The following SLX4IP variants were observed in gnomAD, a reference collection of about 807,000 sequenced individuals.
SLX4IP encodes protein SLX4IP.
In SLX4IP, 34 loss-of-function variants were observed where a neutral mutation model predicts 32.9. The observed-to-expected ratio is 1.03, with a 90% confidence interval of 0.79 to 1.38. The LOEUF is 1.38. Ranked by LOEUF, SLX4IP falls within the 40% of genes most tolerant of loss-of-function variation. SLX4IP has a pLI of 0.00. For synonymous variants in SLX4IP, 172 were observed against 171.7 expected (o/e 1.00, Z -0.01); for missense variants, 444 against 479.0 (o/e 0.93, Z 0.68).
intron 7 of SLX4IP, among the ~76,000 whole-genome samples, chr20:10,621,827 C>T (rs1410659455): frequency 6.6e-6 from 1 of 152,322 alleles, no homozygotes; most frequent in South Asian, 2.1e-4. Flanking sequence ...CACACTGAAG[C>T]TAGCCGAAAT....
At chr20:10,565,487 G>A (rs1410881734) in intron 4 of SLX4IP, among the ~76,000 whole-genome samples, 1 of 152,090 alleles carries the variant, frequency 6.6e-6, no homozygotes, top group Admixed American at 6.5e-5. Flanking sequence ...GAGACTGACT[G>A]CCCGGCCTGT....
At chr20:10,521,108 A>G (rs1388685917) in intron 2 of SLX4IP, among the ~76,000 whole-genome samples, 2 of 152,148 alleles carry the variant, frequency 1.3e-5, no homozygotes, top group East Asian at 3.8e-4. Context: ...TACTCTGATT[A>G]CCTTTCGTTT....
intron 4 of SLX4IP, among the ~76,000 whole-genome samples, chr20:10,592,650 T>TC (rs1209328569): frequency 7.1e-5 from 9 of 126,290 alleles, no homozygotes; most frequent in African/African-American, 2.6e-4. Context: ...TTTTTTTTTT[T>TC]TTGAGATGGA....
intron 4 of SLX4IP, among the ~76,000 whole-genome samples, chr20:10,580,711 G>T (rs2066574983): frequency 6.6e-6 from 1 of 151,804 alleles, no homozygotes; most frequent in Non-Finnish European, 1.5e-5. Context: ...GATGGTTCCG[G>T]TTCGATTATT....
chr20:10,485,798 C>CT (rs1417253345), intron 2 of SLX4IP, among the ~76,000 whole-genome samples: 4 of 151,954 alleles, frequency 2.6e-5, no homozygotes, highest in Admixed American at 6.6e-5. Flanking sequence ...ATACTGTATG[C>CT]TTATTATTTA....
chr20:10,540,356 C>T (rs548913257), intron 2 of SLX4IP, among the ~76,000 whole-genome samples: 35 of 152,126 alleles, frequency 2.3e-4, no homozygotes, highest in African/African-American at 7.5e-4. Flanking sequence ...TTGAAGACAT[C>T]GAATCCTGAG....
chr20:10,618,940 T>TGGGGGGGGGGGGGGGGGG (rs59862780), intron 6 of SLX4IP, among the ~76,000 whole-genome samples: 6 of 41,712 alleles, frequency 1.4e-4, no homozygotes, highest in Admixed American at 3.2e-4. Flanking sequence ...GCTTGGGGGT[T>TGGGGGGGGGGGGGGGGGG]GGGGGGGCGG....
At chr20:10,550,284 C>T (rs192295400) in intron 2 of SLX4IP, among the ~76,000 whole-genome samples, 284 of 152,212 alleles carry the variant, frequency 1.9e-3, no homozygotes, top group Non-Finnish European at 1.9e-3. Flanking sequence ...TGCCTTATAC[C>T]CTCAATGCCA....
intron 1 of SLX4IP, among the ~76,000 whole-genome samples, chr20:10,437,467 G>C (rs2065124836): frequency 1.3e-5 from 2 of 152,154 alleles, no homozygotes; most frequent in African/African-American, 4.8e-5. Flanking sequence ...CAACTTTTAC[G>C]TTTTATGTTG....
At chr20:10,481,960 A>G (rs2065526136) in intron 2 of SLX4IP, among the ~76,000 whole-genome samples, 1 of 152,222 alleles carries the variant, frequency 6.6e-6, no homozygotes, top group South Asian at 2.1e-4. Flanking sequence ...CTTTCCTCAG[A>G]GCAAGCAAGA....
chr20:10,551,934 C>T (rs2066222187), intron 2 of SLX4IP, among the ~76,000 whole-genome samples: 1 of 152,164 alleles, frequency 6.6e-6, no homozygotes, highest in African/African-American at 2.4e-5. Flanking sequence ...AGGGTTCATC[C>T]AGGACACCAA....
At chr20:10,577,961 C>T (rs1160104101) in intron 4 of SLX4IP, among the ~76,000 whole-genome samples, 1 of 152,154 alleles carries the variant, frequency 6.6e-6, no homozygotes, top group Non-Finnish European at 1.5e-5. Flanking sequence ...GACATTTTCA[C>T]TTACAGGAAA....
At chr20:10,573,575 T>G (rs2066490481) in intron 4 of SLX4IP, among the ~76,000 whole-genome samples, 2 of 152,206 alleles carry the variant, frequency 1.3e-5, no homozygotes, top group African/African-American at 2.4e-5. Flanking sequence ...TTCTCTGACT[T>G]CCACAGCAGA....
At chr20:10,498,313 A>G (rs550382662) in intron 2 of SLX4IP, among the ~76,000 whole-genome samples, 4 of 151,948 alleles carry the variant, frequency 2.6e-5, no homozygotes, top group South Asian at 2.1e-4. Context: ...CCCTAGGTCA[A>G]TCTGTTAGCA....
At chr20:10,538,682 T>C (rs2066071873) in intron 2 of SLX4IP, among the ~76,000 whole-genome samples, 1 of 152,112 alleles carries the variant, frequency 6.6e-6, no homozygotes, top group South Asian at 2.1e-4. Context: ...CATGTCACCA[T>C]GCCCTGCTAA....
At chr20:10,440,341 G>A (rs2065151201) in intron 1 of SLX4IP, among the ~76,000 whole-genome samples, 1 of 151,890 alleles carries the variant, frequency 6.6e-6, no homozygotes, top group African/African-American at 2.4e-5. Context: ...TGTAATCCTA[G>A]CTACTTGGGA....
At chr20:10,600,388 A>G (rs908575894) in intron 5 of SLX4IP, among the ~76,000 whole-genome samples, 75 of 152,256 alleles carry the variant, frequency 4.9e-4, no homozygotes, top group African/African-American at 1.7e-3. Flanking sequence ...CTGGGGAGCC[A>G]TGGTAGGTTT....
chr20:10,572,417 G>C (rs193063448), intron 4 of SLX4IP, among the ~76,000 whole-genome samples: 1 of 152,032 alleles, frequency 6.6e-6, no homozygotes, highest in African/African-American at 2.4e-5. Context: ...TACCATGTGG[G>C]TATCTTGGTT....
intron 2 of SLX4IP, among the ~76,000 whole-genome samples, chr20:10,500,130 C>CTTTTTTT (rs34751503): frequency 2.7e-4 from 24 of 90,058 alleles, no homozygotes; most frequent in Admixed American, 4.6e-4. Flanking sequence ...TGTCAAAATT[C>CTTTTTTT]TTTTTTTTTT....
Sources: allele counts gnomAD v4.1 joint callset (sites outside exome capture counted in the v4.1 genomes callset), GRCh38; gene constraint gnomAD v4.1.1; transcripts MANE v1.5; gene names NCBI Gene and HGNC (gene_info 2026-07-23, HGNC 2026-07-21).